DPYSL2: variants seen among roughly 807,000 people sequenced by gnomAD.
The protein encoded by DPYSL2 is dihydropyrimidinase like 2, also known as dihydropyrimidinase-related protein 2.
A neutral mutation model predicts 69.9 loss-of-function variants in DPYSL2; 13 were observed. That is an observed-to-expected ratio of 0.19 (90% CI 0.12 to 0.30). The LOEUF is 0.30. DPYSL2 is among the 10% of genes least tolerant of loss of function. The probability of loss-of-function intolerance (pLI) is 1.00; values close to 1 mark genes in which losing one functional copy is unlikely to be tolerated. For synonymous variants in DPYSL2, 326 were observed against 359.1 expected, an observed-to-expected ratio of 0.91 and a Z score of 1.04; for missense variants, 587 against 918.9, an observed-to-expected ratio of 0.64 and a Z score of 4.67.
rs1268172124 is a variant in DPYSL2, at chr8:26,591,757, G to T, written c.628+7774G>T. On this transcript the variant is annotated intron_variant, in intron 3 of 13. Transcript: ENST00000521913. This position sits in a 1 kb window ranked among gnomAD's most constrained non-coding sequence, Gnocchi z 5.8. ...TCCAGATCCTCTCCGCTTTCTCTTTGTCATCCCCCCATGGCAGCCCCTCTG... is the reference window on the plus strand; with the variant it reads ...TCCAGATCCTCTCCGCTTTCTCTTTTTCATCCCCCCATGGCAGCCCCTCTG... Among the ~76,000 whole-genome samples the T allele has an allele frequency of 6.6e-6, 1 of 152,170 alleles. No homozygotes were observed. The highest frequency in any genetic ancestry group is 1.5e-5 in the Non-Finnish European group (1 of 68,030).
chr8:26,566,109 T>C (rs1801145340), intron 1 of DPYSL2, among the ~76,000 whole-genome samples: 1 of 152,190 alleles, frequency 6.6e-6, no homozygotes, highest in Non-Finnish European at 1.5e-5. Context: ...ATGTCCTGAA[T>C]AAATGTGCAG....
intron 1 of DPYSL2, among the ~76,000 whole-genome samples, chr8:26,549,614 A>T (rs901166381): frequency 6.6e-6 from 1 of 152,196 alleles, no homozygotes; most frequent in Non-Finnish European, 1.5e-5. Context: ...ATCCCTGGGC[A>T]TATCACATTC....
intron 1 of DPYSL2, among the ~76,000 whole-genome samples, chr8:26,515,639 ATTCT>A (rs1231051136): frequency 1.3e-5 from 2 of 152,210 alleles, no homozygotes; most frequent in Admixed American, 6.5e-5. Flanking sequence ...TCACACCACA[ATTCT>A]TTCTTTATCT....
intron 1 of DPYSL2, among the ~76,000 whole-genome samples, chr8:26,526,450 T>C (rs938190197): frequency 1.3e-5 from 2 of 152,240 alleles, no homozygotes; most frequent in African/African-American, 4.8e-5. Context: ...TTGGTTCTAA[T>C]AGTTTTCCAT....
intron 2 of DPYSL2, among the ~76,000 whole-genome samples, chr8:26,583,104 G>T (rs1190689475): frequency 2.6e-5 from 4 of 152,014 alleles, no homozygotes; most frequent in Non-Finnish European, 4.4e-5. Flanking sequence ...TCACTGATTT[G>T]TTCTAGAACT....
chr8:26,583,779 C>T lies in DPYSL2; in HGVS notation c.444-20C>T. On this transcript the variant is annotated intron_variant, in intron 2 of 13. Transcript: ENST00000521913. ...TCCACATTTCATTTACAACCCTTATCACCAACCCTGTTTATTTAGGCAAAT... is the reference window on the plus strand; with the variant it reads ...TCCACATTTCATTTACAACCCTTATTACCAACCCTGTTTATTTAGGCAAAT... 6.3e-7 allele frequency: 1 copy of T among 1,599,738 alleles called. No individual in the cohort carries two copies. Among genetic ancestry groups the T allele is most frequent in the South Asian group, 1.1e-5 (1 of 88,642 alleles).
rs542752434 is a variant in DPYSL2, at chr8:26,560,616, C to A, written c.355-21353C>A. Among the ~76,000 whole-genome samples the A allele has an allele frequency of 2.1e-3, 320 of 152,216 alleles. 13 individuals carry two copies. In the South Asian group the frequency reaches 0.065, roughly 31 times the overall value. ...GCAGAAATAATGGGTCTTGGTGATA[C>A]CCAATATCTCACTTGAACCAGGTTC... On this transcript the variant is annotated intron_variant, in intron 1 of 13. Transcript: ENST00000521913. The surrounding 1 kb of genome is among the most constrained non-coding windows in gnomAD (Gnocchi z 4.4).
chr8:26,574,656 C>A (rs901694777), intron 1 of DPYSL2, among the ~76,000 whole-genome samples: 1 of 152,168 alleles, frequency 6.6e-6, no homozygotes, highest in Non-Finnish European at 1.5e-5. Context: ...TCATGCCTGA[C>A]AAAGGGTACG....
At chr8:26,601,657 G>A (rs1342376392) in intron 3 of DPYSL2, among the ~76,000 whole-genome samples, 4 of 151,458 alleles carry the variant, frequency 2.6e-5, no homozygotes, top group African/African-American at 4.9e-5. Context: ...GATTATAGGC[G>A]TGAGCCACAG....
At position 26,647,777 on chromosome 8, in the gene DPYSL2, A is replaced by G. The variant is rs927656713; in HGVS notation, c.1573A>G (p.Ile525Val). The change falls in exon 11 of 14, where the codon ATC becomes GTC. Residue 525 changes from isoleucine to valine, a missense_variant. Physicochemically the swap from Ile to Val is conservative, Grantham distance 29 (BLOSUM62 3). This residue lies in a region of DPYSL2 where 452 missense variants were observed against 754.3 expected (regional missense o/e 0.60). Coordinates refer to ENST00000521913, the MANE Select transcript of DPYSL2 (RefSeq NM_001197293.3). The surrounding 1 kb of genome is among the most constrained non-coding windows in gnomAD (Gnocchi z 5.1). ...CTGGGACCCCGACAGCGTTAAAACC[A>G]TCTCTGCCAAGACACACAACAGCGT... is the stretch of plus-strand genomic sequence containing the variant. The part of the protein sequence containing the change: ...VIWDPDSVKT[I>V]SAKTHNSSLE... 2 of 1,613,742 alleles carry G rather than the reference A, an allele frequency of 1.2e-6. No homozygotes were observed. Among genetic ancestry groups the G allele is most frequent in the South Asian group, 1.1e-5 (1 of 91,038 alleles).
chr8:26,552,202 A>G (rs1044330224), intron 1 of DPYSL2, among the ~76,000 whole-genome samples: 4 of 152,208 alleles, frequency 2.6e-5, no homozygotes, highest in African/African-American at 9.6e-5. Flanking sequence ...AGAAGATGAA[A>G]ATACAACTTA....
Position 26,514,313 on chromosome 8 carries a change from G to A in DPYSL2, c.-13G>A, listed in dbSNP as rs1322855597. The A allele has an allele frequency of 1.4e-6, 2 of 1,439,120 alleles. No individual in the cohort carries two copies. Among genetic ancestry groups the A allele is most frequent in the South Asian group, 1.4e-5 (1 of 69,330 alleles). The allele number at this position is 1,439,120 out of a possible 1,614,324, so 89.1% of individuals were successfully genotyped here. On this transcript the variant is annotated 5_prime_UTR_variant, in exon 1 of 14. Transcript: ENST00000521913. This position sits in a 1 kb window ranked among gnomAD's most constrained non-coding sequence, Gnocchi z 8.4. Reference sequence around the variant, plus strand: ...CGGACGGACGGCGAGGACCCTACCCGAGCCCCCGAGCCATGGCCGAGAGAA... The same window carrying A: ...CGGACGGACGGCGAGGACCCTACCCAAGCCCCCGAGCCATGGCCGAGAGAA...
chr8:26,520,862 A>G (rs1200301000), intron 1 of DPYSL2, among the ~76,000 whole-genome samples: 1 of 152,064 alleles, frequency 6.6e-6, no homozygotes, highest in Non-Finnish European at 1.5e-5. Context: ...CCAGATTGCC[A>G]TCTTCTCCTT....
intron 1 of DPYSL2, among the ~76,000 whole-genome samples, chr8:26,524,835 A>AAAAAAAAGAGAG (rs1563374151): frequency 2.7e-5 from 2 of 74,226 alleles, no homozygotes; most frequent in Admixed American, 2.0e-4. Flanking sequence ...AAAAAAAAAA[A>AAAAAAAAGAGAG]AGAGAGAGAA....
intron 1 of DPYSL2, among the ~76,000 whole-genome samples, chr8:26,575,952 T>C (rs1447336925): frequency 6.6e-6 from 1 of 152,196 alleles, no homozygotes; most frequent in African/African-American, 2.4e-5. Context: ...AGAGGCCAAG[T>C]AGAAAGGCGT....
chr8:26,638,478 T>A (rs11135951), intron 8 of DPYSL2, among the ~76,000 whole-genome samples: 97,973 of 152,066 alleles, frequency 0.64, 33,462 homozygotes, highest in Non-Finnish European at 0.76. Context: ...GGATATGAGG[T>A]GAAACGAATG....
At chr8:26,594,709 A>T (rs1190844486) in intron 3 of DPYSL2, among the ~76,000 whole-genome samples, 2 of 152,188 alleles carry the variant, frequency 1.3e-5, no homozygotes, top group Admixed American at 6.5e-5. Context: ...TTGACCATTC[A>T]TCTGTTCATC....
At position 26,626,824 on chromosome 8, in the gene DPYSL2, C is replaced by G; in HGVS notation, c.855+146C>G. On this transcript the variant is annotated intron_variant, in intron 5 of 13. Transcript: ENST00000521913. The surrounding 1 kb of genome is among the most constrained non-coding windows in gnomAD (Gnocchi z 4.3). ...GATGCAGTTACTGATGTAACTGAGCCTTGGAAGAGAGTATGAACGCAGTGC... is the reference window on the plus strand; with the variant it reads ...GATGCAGTTACTGATGTAACTGAGCGTTGGAAGAGAGTATGAACGCAGTGC... 2 of 845,666 alleles carry G rather than the reference C, an allele frequency of 2.4e-6. No individual in the cohort carries two copies. The highest frequency in any genetic ancestry group is 4.7e-5 in the Admixed American group (2 of 42,348). 52.4% of individuals were successfully genotyped at this position (845,666 alleles called of 1,614,324 possible).
intron 1 of DPYSL2, among the ~76,000 whole-genome samples, chr8:26,515,552 G>C (rs1808269319): frequency 6.6e-6 from 1 of 152,172 alleles, no homozygotes; most frequent in South Asian, 2.1e-4. Context: ...GGCCAATTTG[G>C]TCACGCTTGA....
Sources: allele counts gnomAD v4.1 joint callset (sites outside exome capture counted in the v4.1 genomes callset), GRCh38; gene constraint gnomAD v4.1.1; regional missense constraint gnomAD v4.1.1; non-coding constraint Gnocchi (gnomAD v3.1); transcripts MANE v1.5; gene names NCBI Gene and HGNC (gene_info 2026-07-23, HGNC 2026-07-21).